Variants in PCDHGA4 observed in about 807,000 individuals in gnomAD.
PCDHGA4 encodes the protein protocadherin gamma-A4.
In PCDHGA4, 38 loss-of-function variants were observed where a neutral mutation model predicts 54.6. The ratio of observed to expected loss-of-function variants is 0.70; its 90% confidence interval spans 0.54 to 0.91. The LOEUF (loss-of-function observed/expected upper bound fraction) is 0.91, where lower values mean the gene tolerates loss of function less well. PCDHGA4 is among the 40% of genes least tolerant of loss of function. The pLI is 0.00. For missense variants in PCDHGA4, 1,298 were observed against 1,220.9 expected, an observed-to-expected ratio of 1.06 and a Z score of -0.94; for synonymous variants, 511 against 512.9, an observed-to-expected ratio of 1.00 and a Z score of 0.05.
chr5:141,408,071 T>C, intron 1 of PCDHGA4: 4 of 1,384,774 alleles, frequency 2.9e-6, no homozygotes, highest in Non-Finnish European at 2.9e-6. Context: ...GCGCAGACCT[T>C]TCCCAGCACA....
chr5:141,431,296 C>T lies in PCDHGA4; in HGVS notation c.2515-63511C>T, dbSNP rs2097358592. On this transcript the variant is annotated intron_variant, in intron 1 of 3. Transcript: ENST00000571252. The surrounding 1 kb of genome is among the most constrained non-coding windows in gnomAD (Gnocchi z 4.8). ...AGCTCAGCCCGAACACTCACTTCTC[C>T]CTCATCGTGCAAAATGGAGCCGACG... The T allele has an allele frequency of 1.9e-6, 3 of 1,614,018 alleles. No individual in the cohort carries two copies. Among genetic ancestry groups the T allele is most frequent in the Non-Finnish European group, 2.5e-6 (3 of 1,180,048 alleles).
At chr5:141,423,750 T>TGG (rs144521096) in intron 1 of PCDHGA4, 9,462 of 287,056 alleles carry the variant, frequency 0.033, 140 homozygotes, top group African/African-American at 0.097. Flanking sequence ...GAAAACTGTT[T>TGG]GGGGGGGGGG....
chr5:141,458,413 G>T lies in PCDHGA4; in HGVS notation c.2515-36394G>T, dbSNP rs138479316. On this transcript the variant is annotated intron_variant, in intron 1 of 3. Coordinates refer to ENST00000571252, the MANE Select transcript of PCDHGA4 (RefSeq NM_018917.4). ...TCCCCCTTGCAGAGACGGAGCGGGG[G>T]TTCCAAAGCTGAAAGAGGAGGTCCC... Among the ~76,000 whole-genome samples the T allele has an allele frequency of 9.0e-4, 137 of 152,196 alleles. 5 individuals carry two copies. The East Asian group carries it at 0.026, about 28-fold the overall frequency.
chr5:141,489,222 A>C lies in PCDHGA4; in HGVS notation c.2515-5585A>C. On this transcript the variant is annotated intron_variant, in intron 1 of 3. Coordinates refer to ENST00000571252, the MANE Select transcript of PCDHGA4 (RefSeq NM_018917.4). The surrounding 1 kb of genome is among the most constrained non-coding windows in gnomAD (Gnocchi z 4.5). ...ACAGGACAGCACAGACTTACTCTCC[A>C]CAAAGGGACTTCTGGGTCATGGGGC... 6.6e-7 allele frequency: 1 copy of C among 1,515,652 alleles called. No individual in the cohort carries two copies. Among genetic ancestry groups the C allele is most frequent in the Middle Eastern group, 1.8e-4 (1 of 5,598 alleles). 93.9% of individuals were successfully genotyped at this position (1,515,652 alleles called of 1,614,324 possible).
intron 3 of PCDHGA4, among the ~76,000 whole-genome samples, chr5:141,510,518 GC>G (rs2099881500): frequency 6.6e-6 from 1 of 152,112 alleles, no homozygotes; most frequent in Non-Finnish European, 1.5e-5. Context: ...CCGTGTCACA[GC>G]CCTGAGAGAA....
chr5:141,403,853 A>G (rs765359583), intron 1 of PCDHGA4: 3 of 1,613,726 alleles, frequency 1.9e-6, no homozygotes, highest in Non-Finnish European at 2.5e-6. Context: ...TACTGGGGAA[A>G]TATCAACAGC....
intron 1 of PCDHGA4, among the ~76,000 whole-genome samples, chr5:141,386,754 C>T (rs1026748961): frequency 9.8e-5 from 15 of 152,302 alleles, no homozygotes; most frequent in Admixed American, 3.3e-4. Flanking sequence ...GGCAGAACTA[C>T]GGTTATAAGG....
intron 1 of PCDHGA4, chr5:141,389,146 C>A (rs567517174): frequency 3.7e-6 from 6 of 1,614,000 alleles, no homozygotes; most frequent in South Asian, 3.3e-5. Flanking sequence ...ATAACCGTTA[C>A]GGCAACAGAT....
chr5:141,410,540 G>C (rs1301173391), intron 1 of PCDHGA4: 1 of 1,613,702 alleles, frequency 6.2e-7, no homozygotes. Context: ...TGAAGACATG[G>C]TTTGCAGTGT....
intron 1 of PCDHGA4, chr5:141,426,748 C>T: frequency 2.2e-6 from 1 of 455,172 alleles, no homozygotes; most frequent in African/African-American, 2.0e-5. Context: ...GGCCTGGAAT[C>T]TGCTATAGAT....
intron 1 of PCDHGA4, among the ~76,000 whole-genome samples, chr5:141,446,065 G>T (rs1285093512): frequency 2.0e-5 from 3 of 152,306 alleles, no homozygotes; most frequent in African/African-American, 7.2e-5. Flanking sequence ...GATTAAAGGG[G>T]AGGCAGTGGA....
intron 1 of PCDHGA4, chr5:141,377,997 G>C (rs1774530725): frequency 6.6e-6 from 1 of 152,122 alleles, no homozygotes; most frequent in African/African-American, 2.4e-5. Flanking sequence ...CCTAAAGCTT[G>C]GCTCAAATAA....
intron 1 of PCDHGA4, chr5:141,428,361 C>T (rs1285334430): frequency 9.0e-6 from 5 of 556,646 alleles, no homozygotes; most frequent in South Asian, 7.5e-5. Context: ...TTTTGGCGGT[C>T]GCCTTGCACC....
chr5:141,404,315 G>A lies in PCDHGA4; in HGVS notation c.2514+46694G>A, dbSNP rs775576610. The A allele has an allele frequency of 9.7e-5, 157 of 1,613,768 alleles. No individual in the cohort carries two copies. Among genetic ancestry groups the A allele is most frequent in the South Asian group, 4.1e-4 (37 of 91,078 alleles). On this transcript the variant is annotated intron_variant, in intron 1 of 3. Transcript: ENST00000571252. Reference sequence around the variant, plus strand: ...TGATAATCCACCTGCTTTCTCTCAAGCCTCCTACTCAGTCTACCTCCCGGA... The same window carrying A: ...TGATAATCCACCTGCTTTCTCTCAAACCTCCTACTCAGTCTACCTCCCGGA...
chr5:141,433,140 CAGGTGATTCGGTATTTTCTAAAG>C (rs2097570930), intron 1 of PCDHGA4: 1 of 1,613,948 alleles, frequency 6.2e-7, no homozygotes, highest in Non-Finnish European at 8.5e-7. Flanking sequence ...CTTTTGCTGT[CAGGTGATTCGGTATTTTCTAAAG>C]ACAGTCATGG....
In PCDHGA4 at chr5:141,375,407, G is replaced by A. The variant is rs192651675; in HGVS notation, c.2514+17786G>A. 5.6e-6 allele frequency: 9 copies of A among 1,613,974 alleles called. No individual in the cohort carries two copies. The Admixed American group carries it at 1.5e-4, about 27-fold the overall frequency. ...TACAGAAACAATCATCTCTCTAAAT[G>A]TGGCAGACACCAACGACAACCCGCC... On this transcript the variant is annotated intron_variant, in intron 1 of 3. Transcript: ENST00000571252.
chr5:141,421,359 C>A (rs2096566292), intron 1 of PCDHGA4: 6 of 1,614,012 alleles, frequency 3.7e-6, no homozygotes, highest in Non-Finnish European at 5.1e-6. Context: ...AAAAGGGCTC[C>A]TTCGTGGGCA....
intron 1 of PCDHGA4, among the ~76,000 whole-genome samples, chr5:141,436,839 A>G (rs1247924864): frequency 6.6e-6 from 1 of 152,260 alleles, no homozygotes; most frequent in African/African-American, 2.4e-5. Flanking sequence ...GTGCCTAGGC[A>G]CATTCTTGAT....
intron 1 of PCDHGA4, among the ~76,000 whole-genome samples, chr5:141,380,096 T>C (rs1180401530): frequency 3.3e-5 from 5 of 151,838 alleles, no homozygotes; most frequent in Non-Finnish European, 5.9e-5. Flanking sequence ...GATGGGGTTT[T>C]ACCATGATGG....
Sources: allele counts gnomAD v4.1 joint callset (sites outside exome capture counted in the v4.1 genomes callset), GRCh38; gene constraint gnomAD v4.1.1; non-coding constraint Gnocchi (gnomAD v3.1); transcripts MANE v1.5; gene names NCBI Gene and HGNC (gene_info 2026-07-23, HGNC 2026-07-21).